Variants in MCTP2 observed in about 807,000 individuals in gnomAD.
The protein encoded by MCTP2 is multiple C2 and transmembrane domain containing 2.
A neutral mutation model predicts 111.6 loss-of-function variants in MCTP2; 132 were observed. The ratio of observed to expected loss-of-function variants is 1.18; its 90% CI spans 1.03 to 1.37. The LOEUF is 1.37. Ranked by LOEUF, MCTP2 falls within the 40% of genes most tolerant of loss-of-function variation. MCTP2 has a pLI of 0.00. For synonymous variants in MCTP2, 395 were observed against 387.7 expected (o/e 1.02, Z -0.22); for missense variants, 1,183 against 1,067.9 (o/e 1.11, Z -1.50).
chr15:94,276,035 G>A lies in MCTP2; in HGVS notation c.-65-22166G>A, dbSNP rs538849637. 5.3e-5 allele frequency among the ~76,000 whole-genome samples: 8 copies of A among 151,948 alleles called. No homozygotes were observed. In the East Asian group the frequency reaches 5.8e-4, roughly 11 times the overall value. ...TAATTTTTGTATTTTTAGTAGAGAT[G>A]GGATTTCACCGTGTTAGCCAGGATG... On this transcript the variant is annotated intron_variant, in intron 1 of 22. Transcript: ENST00000357742.
At chr15:94,458,733 T>A (rs1209905674) in intron 20 of MCTP2, among the ~76,000 whole-genome samples, 1 of 152,206 alleles carries the variant, frequency 6.6e-6, no homozygotes, top group Non-Finnish European at 1.5e-5. Context: ...ATGGATGTCT[T>A]AGGACAGGAT....
intron 18 of MCTP2, among the ~76,000 whole-genome samples, chr15:94,442,537 T>G (rs528174883): frequency 3.9e-5 from 6 of 152,354 alleles, no homozygotes; most frequent in African/African-American, 1.4e-4. Flanking sequence ...GAGAGAGCAG[T>G]CATTATAACA....
At chr15:94,245,100 C>G (rs2071704995) in intron 1 of MCTP2, among the ~76,000 whole-genome samples, 1 of 148,226 alleles carries the variant, frequency 6.7e-6, no homozygotes, top group African/African-American at 2.5e-5. Context: ...ACATATGTAC[C>G]TATGTTTATA....
At chr15:94,394,049 C>CAAAAAAA (rs767685107) in intron 14 of MCTP2, among the ~76,000 whole-genome samples, 1 of 61,734 alleles carries the variant, frequency 1.6e-5, no homozygotes, top group Non-Finnish European at 3.2e-5. Context: ...AACTCCATCT[C>CAAAAAAA]AAAAAAAAAA....
chr15:94,448,648 T>A (rs1388411316), intron 19 of MCTP2, among the ~76,000 whole-genome samples: 1 of 152,206 alleles, frequency 6.6e-6, no homozygotes, highest in East Asian at 1.9e-4. Flanking sequence ...TCCAGAACAC[T>A]TCTGGTCCCA....
intron 21 of MCTP2, among the ~76,000 whole-genome samples, chr15:94,472,181 C>G (rs1268113367): frequency 2.0e-5 from 3 of 152,186 alleles, no homozygotes; most frequent in Non-Finnish European, 2.9e-5. Flanking sequence ...AGTTCGAGAC[C>G]AGCCTGGCCA....
chr15:94,314,259 T>A (rs752533736), intron 2 of MCTP2, 23 bp from the exon 3 acceptor site: 2 of 1,564,086 alleles, frequency 1.3e-6, no homozygotes, highest in South Asian at 2.3e-5. Flanking sequence ...GTAAAGCAGA[T>A]TTTTTTTTCT....
intron 8 of MCTP2, among the ~76,000 whole-genome samples, chr15:94,353,000 G>A (rs78068706): frequency 6.6e-6 from 1 of 152,178 alleles, no homozygotes. Flanking sequence ...TAACCTTATA[G>A]TGGTTTGCAG....
chr15:94,370,230 G>A, intron 12 of MCTP2, 50 bp downstream of exon 12: 1 of 1,470,374 alleles, frequency 6.8e-7, no homozygotes, highest in Non-Finnish European at 9.4e-7. Context: ...TTCCTGCTTT[G>A]AAACAATCTC....
intron 1 of MCTP2, among the ~76,000 whole-genome samples, chr15:94,281,378 A>C (rs531761460): frequency 1.1e-4 from 16 of 151,858 alleles, no homozygotes; most frequent in Non-Finnish European, 2.1e-4. Context: ...AAAAATAGGA[A>C]CCCCTGCTTC....
At chr15:94,347,199 C>G (rs2078030740) in intron 8 of MCTP2, among the ~76,000 whole-genome samples, 1 of 152,082 alleles carries the variant, frequency 6.6e-6, no homozygotes, top group Non-Finnish European at 1.5e-5. Context: ...CACATGGAGA[C>G]TATAGACGCT....
In MCTP2 at chr15:94,461,210, A is replaced by G. The variant is rs554724261; in HGVS notation, c.2360+2964A>G. Among the ~76,000 whole-genome samples the G allele has an allele frequency of 3.5e-3, 527 of 152,332 alleles. 1 individual carries two copies. Among genetic ancestry groups the G allele is most frequent in the South Asian group, 7.7e-3 (37 of 4,826 alleles). On this transcript the variant is annotated intron_variant, in intron 20 of 22. Coordinates refer to ENST00000357742, the MANE Select transcript of MCTP2 (RefSeq NM_001385001.1). Reference sequence around the variant, plus strand: ...CACGGTGGCTCACATCTGTAATCCCAGCACTTTGGGAGGCTGAGGTGGGCG... The same window carrying G: ...CACGGTGGCTCACATCTGTAATCCCGGCACTTTGGGAGGCTGAGGTGGGCG...
At chr15:94,333,290 A>G (rs1314088794) in intron 4 of MCTP2, among the ~76,000 whole-genome samples, 1 of 152,218 alleles carries the variant, frequency 6.6e-6, no homozygotes, top group East Asian at 1.9e-4. Context: ...AAAGCAGGTA[A>G]ATAATACTGT....
intron 1 of MCTP2, among the ~76,000 whole-genome samples, chr15:94,255,551 A>G (rs2072710705): frequency 6.6e-6 from 1 of 152,292 alleles, no homozygotes; most frequent in South Asian, 2.1e-4. Context: ...GATAAATCCT[A>G]TTTACATAAA....
Position 94,408,802 on chromosome 15 carries a change from G to A in MCTP2, c.2085+6783G>A, listed in dbSNP as rs572330256. Among the ~76,000 whole-genome samples the A allele has an allele frequency of 8.5e-5, 13 of 152,256 alleles. No homozygotes were observed. The East Asian group carries it at 2.5e-3, about 29-fold the overall frequency. ...TTTTGGAGCATTCCAATTTTGACTA[G>A]TAAACATTAGATCTCAATTATTGTA... is the stretch of plus-strand genomic sequence containing the variant. On this transcript the variant is annotated intron_variant, in intron 17 of 22. Coordinates refer to ENST00000357742, the MANE Select transcript of MCTP2 (RefSeq NM_001385001.1).
In MCTP2 at chr15:94,466,611, G is replaced by A. The variant is rs567015526; in HGVS notation, c.2361-3722G>A. Among the ~76,000 whole-genome samples, 121 of 150,682 alleles carry A rather than the reference G, an allele frequency of 8.0e-4. 1 individual carries two copies. Among genetic ancestry groups the A allele is most frequent in the Middle Eastern group, 3.4e-3 (1 of 290 alleles). On this transcript the variant is annotated intron_variant, in intron 20 of 22. Transcript: ENST00000357742. Reference sequence around the variant, plus strand: ...AATGGTCTCATATTAAAATCTCCCCGTGGAGAGTTCCTAGGCTTCCCCTCG... The same window carrying A: ...AATGGTCTCATATTAAAATCTCCCCATGGAGAGTTCCTAGGCTTCCCCTCG...
intron 1 of MCTP2, among the ~76,000 whole-genome samples, chr15:94,293,589 G>A (rs925209992): frequency 3.3e-5 from 5 of 152,164 alleles, no homozygotes; most frequent in Non-Finnish European, 4.4e-5. Flanking sequence ...CCTACACCTC[G>A]GTGCCCAGCA....
chr15:94,438,754 T>G (rs2083613893), intron 17 of MCTP2, among the ~76,000 whole-genome samples: 1 of 152,170 alleles, frequency 6.6e-6, no homozygotes, highest in African/African-American at 2.4e-5. Context: ...ATAAAACATT[T>G]CAAAGATATA....
chr15:94,341,951 T>G (rs551433972), intron 7 of MCTP2: 2 of 152,320 alleles, frequency 1.3e-5, no homozygotes, highest in South Asian at 2.1e-4. Flanking sequence ...TTCTTTAGCT[T>G]CTTCTTGATC....
Sources: allele counts gnomAD v4.1 joint callset (sites outside exome capture counted in the v4.1 genomes callset), GRCh38; gene constraint gnomAD v4.1.1; transcripts MANE v1.5; gene names NCBI Gene and HGNC (gene_info 2026-07-23, HGNC 2026-07-21).